Variants in SGTB observed in about 807,000 individuals in gnomAD.
SGTB encodes small glutamine-rich tetratricopeptide repeat-containing protein beta.
In SGTB, 19 loss-of-function variants were observed where a neutral mutation model predicts 43.9. The observed-to-expected ratio is 0.43, with a 90% CI of 0.30 to 0.63. The LOEUF (loss-of-function observed/expected upper bound fraction) is 0.63. Among genes scored for constraint, SGTB ranks in the 30% least tolerant of loss-of-function variants. SGTB has a pLI of 0.12. For synonymous variants in SGTB, 116 were observed against 117.3 expected, an observed-to-expected ratio of 0.99 and a Z score of 0.07; for missense variants, 304 against 358.9, an observed-to-expected ratio of 0.85 and a Z score of 1.24.
chr5:65,713,263 T>C (rs1220063085), intron 2 of SGTB, among the ~76,000 whole-genome samples, 199 bp from the exon 3 acceptor site: 2 of 152,112 alleles, frequency 1.3e-5, no homozygotes, highest in African/African-American at 4.8e-5. Flanking sequence ...TCCTTCTTCC[T>C]TCCTCCCCCT....
chr5:65,671,841 TGA>T, intron 10 of SGTB, 72 bp downstream of exon 10: 2 of 1,343,408 alleles, frequency 1.5e-6, no homozygotes, highest in Non-Finnish European at 2.1e-6. Flanking sequence ...AAGAAAGCCC[TGA>T]CCCCTCACCA....
chr5:65,722,419 C>T (rs769755368), upstream of SGTB: 4 of 1,586,400 alleles, frequency 2.5e-6, no homozygotes, highest in East Asian at 2.4e-5. Context: ...CCGCAGGTAC[C>T]TCCAGCGCGC....
chr5:65,675,761 G>A (rs1757254073), intron 8 of SGTB, among the ~76,000 whole-genome samples: 1 of 152,122 alleles, frequency 6.6e-6, no homozygotes, highest in Non-Finnish European at 1.5e-5. Flanking sequence ...AAGCAAAGGA[G>A]AAATAAGATC....
chr5:65,681,953 A>C (rs1337050064), intron 6 of SGTB, among the ~76,000 whole-genome samples: 1 of 151,854 alleles, frequency 6.6e-6, no homozygotes, highest in East Asian at 1.9e-4. Flanking sequence ...CCAGCCTGGA[A>C]AACAAGAGCG....
At chr5:65,678,902 G>A (rs866930006) in intron 8 of SGTB, among the ~76,000 whole-genome samples, 8 of 151,992 alleles carry the variant, frequency 5.3e-5, no homozygotes, top group South Asian at 4.2e-4. Flanking sequence ...TCTATAAACC[G>A]AGGCAATATC....
intron 5 of SGTB, among the ~76,000 whole-genome samples, chr5:65,699,568 C>A (rs1046032322): frequency 2.6e-5 from 4 of 152,204 alleles, no homozygotes; most frequent in African/African-American, 9.7e-5. Flanking sequence ...AGTCTGGGTT[C>A]AGAACCCCTG....
intron 8 of SGTB, among the ~76,000 whole-genome samples, chr5:65,675,625 C>T (rs957503603): frequency 6.6e-6 from 1 of 152,104 alleles, no homozygotes; most frequent in African/African-American, 2.4e-5. Flanking sequence ...AAAGGGAAGC[C>T]CATCAGACTA....
intron 5 of SGTB, among the ~76,000 whole-genome samples, chr5:65,701,273 C>G (rs1757811766): frequency 6.6e-6 from 1 of 151,848 alleles, no homozygotes; most frequent in East Asian, 1.9e-4. Context: ...CTCTTTCAAA[C>G]CTAAGAACCT....
In SGTB at chr5:65,685,423, AATCCTTT is replaced by A; in HGVS notation, c.417_423del (p.Lys140ValfsTer5). 6.2e-7 allele frequency: 1 copy of A among 1,614,146 alleles called. No homozygotes were observed. Among genetic ancestry groups the A allele is most frequent in the Non-Finnish European group, 8.5e-7 (1 of 1,180,010 alleles). Reference sequence around the variant, plus strand: ...GAATCAATTGCTATTGCTTTTTCACAATCCTTTATCGCATCTGTGTAGTGACCTAATT... The same window carrying A: ...GAATCAATTGCTATTGCTTTTTCACAATCGCATCTGTGTAGTGACCTAATT... On this transcript the variant is annotated frameshift_variant, in exon 6 of 11. Transcript: ENST00000381007. LOFTEE classifies it high-confidence loss of function.
rs142225379 is a variant in SGTB at position 65,676,273 on chromosome 5, C to T, written c.682-3992G>A. Among the ~76,000 whole-genome samples the T allele has an allele frequency of 4.7e-3, 709 of 151,820 alleles. 3 individuals carry two copies. Among genetic ancestry groups the T allele is most frequent in the East Asian group, 0.024 (126 of 5,166 alleles). ...CAGAGGTTGCAGTGAGCTGAAATTG[C>T]GCCACTGTACTCCAGCCTGGGTGAC... On this transcript the variant is annotated intron_variant, in intron 8 of 10. Coordinates refer to ENST00000381007, the MANE Select transcript of SGTB (RefSeq NM_019072.3).
chr5:65,692,714 T>A (rs1174558535), intron 5 of SGTB, among the ~76,000 whole-genome samples: 1 of 152,164 alleles, frequency 6.6e-6, no homozygotes, highest in Non-Finnish European at 1.5e-5. Context: ...AACACATAGC[T>A]ATAAAAGATG....
intron 2 of SGTB, among the ~76,000 whole-genome samples, chr5:65,720,081 C>CTTT (rs11312137): frequency 2.4e-5 from 3 of 124,968 alleles, no homozygotes; most frequent in African/African-American, 9.0e-5. Flanking sequence ...TTTTCTTTTT[C>CTTT]TTTTTTTTTT....
rs1757029859 is a variant in SGTB, at chr5:65,666,088, TC to T, written c.*4157del. On this transcript the variant is annotated 3_prime_UTR_variant, in exon 11 of 11. Coordinates refer to ENST00000381007, the MANE Select transcript of SGTB (RefSeq NM_019072.3). ...TGTAAAATTGAAGTCTGTCTTTGTT[TC>T]AAAATGATTAAGATTAAATGATGAA... 1 of 152,604 alleles carries T rather than the reference TC, an allele frequency of 6.6e-6. No individual in the cohort carries two copies. The highest frequency in any genetic ancestry group is 6.5e-5 in the Admixed American group (1 of 15,282). 9.5% of individuals were successfully genotyped at this position (152,604 alleles called of 1,614,324 possible).
chr5:65,691,818 C>T (rs183246643), intron 5 of SGTB, among the ~76,000 whole-genome samples: 1,602 of 151,392 alleles, frequency 0.011, 105 homozygotes, highest in Admixed American at 0.095. Flanking sequence ...GTAGTCCCAG[C>T]TACTCGGGAG....
chr5:65,680,392 C>T, intron 8 of SGTB, 102 bp downstream of exon 8: 1 of 1,206,262 alleles, frequency 8.3e-7, no homozygotes, highest in Non-Finnish European at 1.2e-6. Context: ...TACTCCACTA[C>T]AACCACCACC....
chr5:65,719,422 T>A (rs916079714), intron 2 of SGTB, among the ~76,000 whole-genome samples: 2 of 151,828 alleles, frequency 1.3e-5, no homozygotes, highest in African/African-American at 4.8e-5. Context: ...AAACTCTGTC[T>A]CTACAAAAAA....
Position 65,704,370 on chromosome 5 carries a change from G to C in SGTB, c.283C>G (p.His95Asp). ...ADQLKDEGNNHMKEENYAAAV... is the reference protein window; with the variant it reads ...ADQLKDEGNNDMKEENYAAAV... ...GCAGCATAATTTTCTTCTTTCATGT[G>C]GTTATTGCCTAAAATAAAGTAACCA... is the stretch of plus-strand genomic sequence containing the variant. The change falls in exon 5 of 11, where the codon CAC becomes GAC. Residue 95 changes from histidine (H) to aspartate (D), a missense_variant. Transcript: ENST00000381007. 6.2e-7 allele frequency: 1 copy of C among 1,610,598 alleles called. No homozygotes were observed. The highest frequency in any genetic ancestry group is 8.5e-7 in the Non-Finnish European group (1 of 1,178,300).
In SGTB at chr5:65,708,511, T is replaced by A; in HGVS notation, c.252A>T (p.Lys84Asn). The A allele has an allele frequency of 6.2e-7, 1 of 1,612,980 alleles. No individual in the cohort carries two copies. Among genetic ancestry groups the A allele is most frequent in the Non-Finnish European group, 8.5e-7 (1 of 1,179,606 alleles). The change falls in exon 4 of 11, where the codon AAA becomes AAT. Residue 84 changes from lysine to asparagine, a missense_variant. Transcript: ENST00000381007. ...CACCTTCATCTTTTAATTGGTCAGCTTTTCCCACATCTTCAGGCACTGAGT... is the reference window on the plus strand; with the variant it reads ...CACCTTCATCTTTTAATTGGTCAGCATTTCCCACATCTTCAGGCACTGAGT... ...LSNSVPEDVGKADQLKDEGNN... is the reference protein window; with the variant it reads ...LSNSVPEDVGNADQLKDEGNN...
At chr5:65,689,343 C>G (rs1757559253) in intron 5 of SGTB, among the ~76,000 whole-genome samples, 1 of 152,138 alleles carries the variant, frequency 6.6e-6, no homozygotes, top group Admixed American at 6.5e-5. Flanking sequence ...GACCATTTAT[C>G]TGATTTGTTA....
Sources: allele counts gnomAD v4.1 joint callset (sites outside exome capture counted in the v4.1 genomes callset), GRCh38; gene constraint gnomAD v4.1.1; transcripts MANE v1.5; gene names NCBI Gene and HGNC (gene_info 2026-07-23, HGNC 2026-07-21).